The following ZNF586 variants were observed in gnomAD, a reference collection of about 807,000 sequenced individuals.
ZNF586 encodes zinc finger protein 586.
In ZNF586, 7 loss-of-function variants were observed where a neutral mutation model predicts 6.7. The observed-to-expected ratio is 1.04, with a 90% CI of 0.59 to 1.95. ZNF586 has a LOEUF of 1.95. Among genes scored for constraint, ZNF586 ranks in the 30% most tolerant of loss-of-function variants. The pLI, the probability that ZNF586 is intolerant of heterozygous loss-of-function variation, is 0.00. For missense variants in ZNF586, 442 were observed against 489.6 expected, an observed-to-expected ratio of 0.90 and a Z score of 0.92; for synonymous variants, 166 against 168.7, an observed-to-expected ratio of 0.98 and a Z score of 0.12.
intron 1 of ZNF586, among the ~76,000 whole-genome samples, chr19:57,770,869 G>A (rs1459603445): frequency 1.3e-5 from 2 of 148,992 alleles, no homozygotes; most frequent in Admixed American, 6.7e-5. Flanking sequence ...TTTTTTTTTC[G>A]GCGACGGGTT....
In ZNF586 at chr19:57,779,863, T is replaced by C; in HGVS notation, c.*67T>C. On this transcript the variant is annotated 3_prime_UTR_variant, in exon 3 of 3. Transcript: ENST00000396154. ...TCAAGGCCAGAGAGTTCACACCAGA[T>C]CAAGGTGTTATGAGTGTGACAAATG... is the stretch of plus-strand genomic sequence containing the variant. 2.3e-6 allele frequency: 3 copies of C among 1,311,862 alleles called. No homozygotes were observed. The Admixed American group carries it at 6.7e-5, about 29-fold the overall frequency. The allele number at this position is 1,311,862 out of a possible 1,614,324, so 81.3% of individuals were successfully genotyped here. A position where few individuals can be genotyped will look rare whatever the true frequency, so the allele number is the denominator to read the frequency against.
chr19:57,775,281 G>A (rs927689768), intron 1 of ZNF586, among the ~76,000 whole-genome samples: 4 of 152,118 alleles, frequency 2.6e-5, no homozygotes, highest in African/African-American at 4.8e-5. Flanking sequence ...AGGCGTGGGC[G>A]TGAGCCACCG....
rs140588870 is a variant in ZNF586 at position 57,772,761 on chromosome 19, G to C, written c.36+2883G>C. On this transcript the variant is annotated intron_variant, in intron 1 of 2. Transcript: ENST00000396154. ...TGTTTGGCTATTTGGAAGCTCCCCA[G>C]ACCCTGTCTTTATGGGGTTTTATGG... is the stretch of plus-strand genomic sequence containing the variant. Among the ~76,000 whole-genome samples the C allele has an allele frequency of 2.6e-5, 4 of 152,300 alleles. No homozygotes were observed. The East Asian group carries it at 7.7e-4, about 29-fold the overall frequency.
chr19:57,773,186 G>C (rs771008169), intron 1 of ZNF586, among the ~76,000 whole-genome samples: 19 of 152,120 alleles, frequency 1.2e-4, no homozygotes, highest in Non-Finnish European at 2.6e-4. Flanking sequence ...GATATTGGAG[G>C]TATCTAATAT....
chr19:57,769,819 C>T lies in ZNF586; in HGVS notation c.-24C>T. On this transcript the variant is annotated 5_prime_UTR_variant, in exon 1 of 3. Transcript: ENST00000396154. ...ACAACGACAGGAACACCGCCGAGCC[C>T]GCGTTCCCCCCCCGCCCAGAGTCAT... 6.5e-7 allele frequency: 1 copy of T among 1,533,920 alleles called. No individual in the cohort carries two copies. The highest frequency in any genetic ancestry group is 8.8e-7 in the Non-Finnish European group (1 of 1,141,608).
chr19:57,780,078 G>T lies in ZNF586; in HGVS notation c.*282G>T. On this transcript the variant is annotated 3_prime_UTR_variant, in exon 3 of 3. Coordinates refer to ENST00000396154, the MANE Select transcript of ZNF586 (RefSeq NM_017652.4). ...TTTTTTCTTCAATATAACACTGGAG[G>T]AAACCCCTTATGAGGATGCCATCTG... The T allele has an allele frequency of 2.4e-6, 1 of 423,010 alleles. No homozygotes were observed. The highest frequency in any genetic ancestry group is 4.2e-6 in the Non-Finnish European group (1 of 239,260). 26.2% of individuals were successfully genotyped at this position (423,010 alleles called of 1,614,324 possible). A position where few individuals can be genotyped will look rare whatever the true frequency, so the allele number is the denominator to read the frequency against.
rs113005386 is a variant in ZNF586, at chr19:57,769,786, G to A, written c.-57G>A. 8 of 1,533,192 alleles carry A rather than the reference G, an allele frequency of 5.2e-6. No individual in the cohort carries two copies. The Admixed American group carries it at 7.9e-5, about 15-fold the overall frequency. The allele number at this position is 1,533,192 out of a possible 1,614,324, so 95.0% of individuals were successfully genotyped here. A position where few individuals can be genotyped will look rare whatever the true frequency, so the allele number is the denominator to read the frequency against. ...TCGGCGACGCCGCTGGTCGCGACCC[G>A]GGACAGGACAACGACAGGAACACCG... On this transcript the variant is annotated 5_prime_UTR_variant, in exon 1 of 3. Transcript: ENST00000396154.
At position 57,780,036 on chromosome 19, in the gene ZNF586, A is replaced by G; in HGVS notation, c.*240A>G. The G allele has an allele frequency of 2.0e-6, 1 of 508,784 alleles. No individual in the cohort carries two copies. The highest frequency in any genetic ancestry group is 3.4e-6 in the Non-Finnish European group (1 of 291,460). The allele number at this position is 508,784 out of a possible 1,614,324, so 31.5% of individuals were successfully genotyped here. A position where few individuals can be genotyped will look rare whatever the true frequency, so the allele number is the denominator to read the frequency against. ...TATTTACATGAGGAAAATACCACAGATGTGGAGGTAATATTATTTTTTCTT... is the reference window on the plus strand; with the variant it reads ...TATTTACATGAGGAAAATACCACAGGTGTGGAGGTAATATTATTTTTTCTT... On this transcript the variant is annotated 3_prime_UTR_variant, in exon 3 of 3. Transcript: ENST00000396154.
rs1417437324 is a variant in ZNF586, at chr19:57,779,679, G to A, written c.1092G>A (p.Leu364=). 1 of 1,614,162 alleles carries A rather than the reference G, an allele frequency of 6.2e-7. No individual in the cohort carries two copies. The highest frequency in any genetic ancestry group is 1.1e-5 in the South Asian group (1 of 91,088). The part of the protein sequence containing the change: ...FAENSSLIKH[L]RVHTGERPYE... ...AAAACTCCAGCCTTATTAAACACTT[G>A]AGAGTTCACACTGGAGAAAGGCCAT... Residue 364 remains leucine (L), a synonymous_variant, in exon 3 of 3, where the codon TTG becomes TTA. Coordinates refer to ENST00000396154, the MANE Select transcript of ZNF586 (RefSeq NM_017652.4).
chr19:57,769,995 G>A, intron 1 of ZNF586, 117 bp downstream of exon 1: 1 of 1,006,370 alleles, frequency 9.9e-7, no homozygotes, highest in Non-Finnish European at 1.4e-6. Flanking sequence ...GGGACGGAGA[G>A]GCGCCGGCGG....
chr19:57,775,365 C>T (rs1020405845), intron 1 of ZNF586, among the ~76,000 whole-genome samples: 2 of 152,050 alleles, frequency 1.3e-5, no homozygotes, highest in African/African-American at 2.4e-5. Flanking sequence ...TGTGGTATCG[C>T]ACACCTGTGG....
At chr19:57,774,289 G>A (rs532756783) in intron 1 of ZNF586, among the ~76,000 whole-genome samples, 23 of 150,474 alleles carry the variant, frequency 1.5e-4, no homozygotes, top group Non-Finnish European at 2.9e-4. Context: ...TTCGGAGGCT[G>A]AGGTGGGCGG....
rs781380255 is a variant in ZNF586 at position 57,778,881 on chromosome 19, G to T, written c.294G>T (p.Lys98Asn). Residue 98 changes from lysine to asparagine, a missense_variant, in exon 3 of 3, where the codon AAG becomes AAT. Lys to Asn is a moderately conservative substitution (Grantham distance 94). Coordinates refer to ENST00000396154, the MANE Select transcript of ZNF586 (RefSeq NM_017652.4). ...YECGEYRKLFKNKSCLTEPRR... is the reference protein window; with the variant it reads ...YECGEYRKLFNNKSCLTEPRR... ...GTGGGGAATATAGGAAATTATTTAA[G>T]AACAAGTCCTGCCTCACTGAACCCA... The T allele has an allele frequency of 6.2e-7, 1 of 1,613,784 alleles. No individual in the cohort carries two copies. Among genetic ancestry groups the T allele is most frequent in the Non-Finnish European group, 8.5e-7 (1 of 1,179,974 alleles).
At chr19:57,778,184 G>C (rs1987286706) in intron 2 of ZNF586, among the ~76,000 whole-genome samples, 1 of 151,046 alleles carries the variant, frequency 6.6e-6, no homozygotes. Context: ...CAAGTCTCCT[G>C]CCTCAGCCTC....
Position 57,776,688 on chromosome 19 carries a change from C to T in ZNF586, c.163+19C>T, listed in dbSNP as rs778662080. 4 of 1,582,450 alleles carry T rather than the reference C, an allele frequency of 2.5e-6. No individual in the cohort carries two copies. The highest frequency in any genetic ancestry group is 3.4e-6 in the Non-Finnish European group (4 of 1,164,906). The stretch of plus-strand genomic sequence containing the variant: ...TCCCTGGGTAAGGTACTCATATTCA[C>T]CTGTGACCTGAGTTAGTCTGTGCCC... On this transcript the variant is annotated intron_variant, in intron 2 of 2. Coordinates refer to ENST00000396154, the MANE Select transcript of ZNF586 (RefSeq NM_017652.4).
At chr19:57,774,682 C>T (rs561281012) in intron 1 of ZNF586, 10 of 878,186 alleles carry the variant, frequency 1.1e-5, no homozygotes, top group East Asian at 1.2e-4. Flanking sequence ...GCATGGAGGG[C>T]GTCAGAATGA....
rs774274616 is a variant in ZNF586 at position 57,779,240 on chromosome 19, C to T, written c.653C>T (p.Thr218Ile). The T allele has an allele frequency of 1.9e-6, 3 of 1,613,920 alleles. No homozygotes were observed. In the African/African-American group the frequency reaches 4.0e-5, roughly 22 times the overall value. The change falls in exon 3 of 3, where the codon ACA becomes ATA. Residue 218 changes from threonine (T) to isoleucine (I), a missense_variant. Physicochemically the swap from Thr to Ile is moderately conservative, Grantham distance 89. Coordinates refer to ENST00000396154, the MANE Select transcript of ZNF586 (RefSeq NM_017652.4). ...CNECGKSFAYTSSLIKHRRIH... is the reference protein window; with the variant it reads ...CNECGKSFAYISSLIKHRRIH... ...GAATGTGGGAAGTCCTTTGCTTATA[C>T]ATCTAGTCTCATTAAACACAGGAGG...
chr19:57,771,030 G>A (rs1488108951), intron 1 of ZNF586, among the ~76,000 whole-genome samples: 2 of 151,950 alleles, frequency 1.3e-5, no homozygotes, highest in East Asian at 1.9e-4. Flanking sequence ...GGCCGGGCGC[G>A]GTGGCTCACG....
At chr19:57,775,180 A>AGAG (rs1199066641) in intron 1 of ZNF586, among the ~76,000 whole-genome samples, 2 of 152,068 alleles carry the variant, frequency 1.3e-5, no homozygotes, top group East Asian at 3.9e-4. Context: ...TATTTTTAGT[A>AGAG]GAGACGGGGT....
Sources: allele counts gnomAD v4.1 joint callset (sites outside exome capture counted in the v4.1 genomes callset), GRCh38; gene constraint gnomAD v4.1.1; transcripts MANE v1.5; gene names NCBI Gene and HGNC (gene_info 2026-07-23, HGNC 2026-07-21).